The following SFT2D1 variants were observed in gnomAD, a reference collection of about 807,000 sequenced individuals.
SFT2D1 encodes the protein vesicle transport protein SFT2A.
In SFT2D1, 24 loss-of-function variants were observed where a neutral mutation model predicts 28.1. That is an observed-to-expected ratio of 0.85 (90% CI 0.62 to 1.20). The LOEUF (loss-of-function observed/expected upper bound fraction) is 1.20. Among genes scored for constraint, SFT2D1 ranks in the 50% most tolerant of loss-of-function variants. SFT2D1 has a pLI of 0.00. For synonymous variants in SFT2D1, 82 were observed against 73.7 expected (o/e 1.11, Z -0.58); for missense variants, 181 against 190.9 (o/e 0.95, Z 0.31).
intron 1 of SFT2D1, 73 bp downstream of exon 1, chr6:166,342,346 C>T (rs911331152): frequency 7.0e-7 from 1 of 1,423,034 alleles, no homozygotes; most frequent in Admixed American, 2.2e-5. Flanking sequence ...CCACCCCACC[C>T]GCTCGGCCGG....
chr6:166,333,689 G>A (rs1778593389), intron 1 of SFT2D1, among the ~76,000 whole-genome samples: 1 of 152,204 alleles, frequency 6.6e-6, no homozygotes, highest in South Asian at 2.1e-4. Flanking sequence ...GGGCAGGGGG[G>A]TCCTGAGCCA....
At chr6:166,333,716 C>G (rs1476013228) in intron 1 of SFT2D1, among the ~76,000 whole-genome samples, 1 of 152,218 alleles carries the variant, frequency 6.6e-6, no homozygotes, top group African/African-American at 2.4e-5. Context: ...ATCAGCCCCC[C>G]ATGGCCTGCA....
chr6:166,320,556 T>C (rs1329916319), intron 7 of SFT2D1, among the ~76,000 whole-genome samples: 3 of 88,796 alleles, frequency 3.4e-5, no homozygotes, highest in African/African-American at 1.3e-4. Context: ...AACTTTTTTC[T>C]TTTTTTTTCC....
At chr6:166,332,089 A>G (rs1778563015) in intron 1 of SFT2D1, among the ~76,000 whole-genome samples, 1 of 152,238 alleles carries the variant, frequency 6.6e-6, no homozygotes, top group African/African-American at 2.4e-5. Flanking sequence ...ACTTGTAAAC[A>G]TGGAATATTC....
chr6:166,335,968 G>A (rs1778642758), intron 1 of SFT2D1, among the ~76,000 whole-genome samples: 1 of 152,158 alleles, frequency 6.6e-6, no homozygotes, highest in Middle Eastern at 3.2e-3. Flanking sequence ...GGTTATTTTC[G>A]TTTCTGTTCT....
rs1402517397 is a variant in SFT2D1 at position 166,319,933 on chromosome 6, T to C, written c.*284A>G. ...TTAAATATTCACATTTCAAAGCTGC[T>C]TTGAAAAGATTTAAAAATTGGCTAA... On this transcript the variant is annotated 3_prime_UTR_variant, in exon 8 of 8. Transcript: ENST00000361731. The C allele has an allele frequency of 3.3e-6, 1 of 305,154 alleles. No individual in the cohort carries two copies. Among genetic ancestry groups the C allele is most frequent in the Non-Finnish European group, 6.0e-6 (1 of 167,714 alleles). The allele number at this position is 305,154 out of a possible 1,614,324, so 18.9% of individuals were successfully genotyped here. A position where few individuals can be genotyped will look rare whatever the true frequency, so the allele number is the denominator to read the frequency against.
At chr6:166,326,084 T>TG (rs763470504) in intron 5 of SFT2D1, 48 bp downstream of exon 5, 7 of 1,546,324 alleles carry the variant, frequency 4.5e-6, no homozygotes, top group Non-Finnish European at 5.4e-6. Flanking sequence ...TCAGCTGGGG[T>TG]GGGGGGCACA....
intron 1 of SFT2D1, among the ~76,000 whole-genome samples, chr6:166,334,361 G>A (rs1197859832): frequency 6.6e-6 from 1 of 152,232 alleles, no homozygotes; most frequent in African/African-American, 2.4e-5. Flanking sequence ...TTGGGAAGCT[G>A]AGGCAGGCGG....
chr6:166,333,749 G>T (rs1427632711), intron 1 of SFT2D1, among the ~76,000 whole-genome samples: 1 of 152,136 alleles, frequency 6.6e-6, no homozygotes, highest in African/African-American at 2.4e-5. Context: ...GCAATCTAAG[G>T]CTTCTTGCTT....
rs1778405227 is a variant in SFT2D1 at position 166,324,312 on chromosome 6, A to G, written c.410+225T>C. ...TTAGAAAAAAGCAGAACATATCACT[A>G]TGTAACTCTACGAGCACAGCACCCC... On this transcript the variant is annotated intron_variant, in intron 6 of 7. Coordinates refer to ENST00000361731, the MANE Select transcript of SFT2D1 (RefSeq NM_145169.3). 1.3e-5 allele frequency: 6 copies of G among 455,910 alleles called. No individual in the cohort carries two copies. The South Asian group carries it at 2.6e-4, about 20-fold the overall frequency. The allele number at this position is 455,910 out of a possible 1,614,324, so 28.2% of individuals were successfully genotyped here. A position where few individuals can be genotyped will look rare whatever the true frequency, so the allele number is the denominator to read the frequency against.
chr6:166,331,913 C>G (rs1244204258), intron 1 of SFT2D1, among the ~76,000 whole-genome samples: 2 of 152,198 alleles, frequency 1.3e-5, no homozygotes, highest in Non-Finnish European at 2.9e-5. Context: ...TTTCCAAGTT[C>G]AAATCACCCC....
rs1463421740 is a variant in SFT2D1 at position 166,320,052 on chromosome 6, T to C, written c.*165A>G. 1 of 595,240 alleles carries C rather than the reference T, an allele frequency of 1.7e-6. No homozygotes were observed. The highest frequency in any genetic ancestry group is 1.9e-5 in the African/African-American group (1 of 51,520). 36.9% of individuals were successfully genotyped at this position (595,240 alleles called of 1,614,324 possible). A position where few individuals can be genotyped will look rare whatever the true frequency, so the allele number is the denominator to read the frequency against. On this transcript the variant is annotated 3_prime_UTR_variant, in exon 8 of 8. Coordinates refer to ENST00000361731, the MANE Select transcript of SFT2D1 (RefSeq NM_145169.3). ...ATTTAAAGTTACAAGCATTTAATGG[T>C]TTAATCAAGCATGTAGTTTTTACCA...
intron 1 of SFT2D1, chr6:166,334,817 A>G (rs1778615395): frequency 1.6e-5 from 7 of 426,670 alleles, no homozygotes; most frequent in Non-Finnish European, 3.2e-5. Flanking sequence ...AAAGCCACAC[A>G]AGGTGGATGA....
chr6:166,330,087 G>GT (rs1270174470), intron 2 of SFT2D1, 74 bp downstream of exon 2: 1 of 1,196,002 alleles, frequency 8.4e-7, no homozygotes, highest in African/African-American at 1.6e-5. Context: ...AAGGACATTA[G>GT]TTTTTGGTAC....
intron 5 of SFT2D1, 30 bp from the exon 6 acceptor site, chr6:166,324,625 A>G: frequency 6.3e-7 from 1 of 1,589,684 alleles, no homozygotes; most frequent in Non-Finnish European, 8.5e-7. Context: ...AGCAATTATG[A>G]GTTTCAAAGT....
chr6:166,338,637 G>C (rs984064332), intron 1 of SFT2D1, among the ~76,000 whole-genome samples: 8 of 152,048 alleles, frequency 5.3e-5, no homozygotes, highest in Non-Finnish European at 8.8e-5. Flanking sequence ...CTCCAACTGA[G>C]GAGGAGAAAG....
At position 166,326,143 on chromosome 6, in the gene SFT2D1, C is replaced by T. The variant is rs1322896991; in HGVS notation, c.340G>A (p.Ala114Thr). The T allele has an allele frequency of 1.2e-6, 2 of 1,613,694 alleles. No individual in the cohort carries two copies. The highest frequency in any genetic ancestry group is 1.7e-6 in the Non-Finnish European group (2 of 1,179,790). The change falls in exon 5 of 8, where the codon GCT becomes ACT. Residue 114 changes from alanine to threonine, a missense_variant. Coordinates refer to ENST00000361731, the MANE Select transcript of SFT2D1 (RefSeq NM_145169.3). Reference sequence around the variant, plus strand: ...CTGACATAACTTACCCAAAGAGCAGCACACAGGGTAAATATGAAACACAAC... The same window carrying T: ...CTGACATAACTTACCCAAAGAGCAGTACACAGGGTAAATATGAAACACAAC... ...MLLCFIFTLC[A>T]ALWWHKKGLA...
chr6:166,320,665 A>G (rs1023924459), intron 7 of SFT2D1, among the ~76,000 whole-genome samples: 25 of 146,350 alleles, frequency 1.7e-4, no homozygotes, highest in African/African-American at 5.8e-4. Context: ...TATAGGGCAC[A>G]CCACTACACT....
chr6:166,325,763 C>T (rs117996496), intron 5 of SFT2D1: 2,875 of 264,284 alleles, frequency 0.011, 22 homozygotes, highest in East Asian at 0.021. Context: ...ATGACCTCTA[C>T]GCTGTAGACA....
Sources: allele counts gnomAD v4.1 joint callset (sites outside exome capture counted in the v4.1 genomes callset), GRCh38; gene constraint gnomAD v4.1.1; transcripts MANE v1.5; gene names NCBI Gene and HGNC (gene_info 2026-07-23, HGNC 2026-07-21).